DLGAP2: variants seen among roughly 807,000 people sequenced by gnomAD.
DLGAP2 encodes the protein DLG associated protein 2, also known as disks large-associated protein 2.
In DLGAP2, 26 loss-of-function variants were observed where a neutral mutation model predicts 100.3. The observed-to-expected ratio is 0.26, with a 90% CI of 0.19 to 0.36. The LOEUF is 0.36. DLGAP2 is among the 10% of genes least tolerant of loss of function. The probability of loss-of-function intolerance (pLI) is 1.00; values close to 1 mark genes in which losing one functional copy is unlikely to be tolerated. For missense variants in DLGAP2, 1,858 were observed against 1,453.2 expected (o/e 1.28, Z -4.53); for synonymous variants, 886 against 630.1 (o/e 1.41, Z -6.08).
At chr8:1,456,120 G>A (rs534075832) in intron 3 of DLGAP2, among the ~76,000 whole-genome samples, 29 of 152,292 alleles carry the variant, frequency 1.9e-4, no homozygotes, top group Middle Eastern at 3.4e-3. Context: ...CTCCCATGTC[G>A]CGTTGAACTC....
At chr8:1,192,799 T>C (rs1276682831) in intron 2 of DLGAP2, among the ~76,000 whole-genome samples, 1 of 151,862 alleles carries the variant, frequency 6.6e-6, no homozygotes, top group East Asian at 1.9e-4. Context: ...ATTAGGTATA[T>C]CTCCTAAAGC....
chr8:1,700,366 C>G (rs1799532829), intron 14 of DLGAP2, among the ~76,000 whole-genome samples: 4 of 151,708 alleles, frequency 2.6e-5, no homozygotes, highest in Admixed American at 2.6e-4. Flanking sequence ...TGTCATGGCT[C>G]TGTCCAGAAG....
intron 2 of DLGAP2, among the ~76,000 whole-genome samples, chr8:1,033,377 C>T (rs1414578266): frequency 6.6e-6 from 1 of 152,152 alleles, no homozygotes; most frequent in African/African-American, 2.4e-5. Flanking sequence ...AAAGGCTTAG[C>T]TGGGGGTTGG....
intron 2 of DLGAP2, among the ~76,000 whole-genome samples, chr8:1,049,937 T>G (rs1802627101): frequency 6.6e-6 from 1 of 152,088 alleles, no homozygotes; most frequent in South Asian, 2.1e-4. Context: ...TGTACACACG[T>G]GGATATATGC....
intron 1 of DLGAP2, among the ~76,000 whole-genome samples, chr8:828,505 A>G (rs1475946342): frequency 1.3e-5 from 2 of 152,200 alleles, no homozygotes; most frequent in African/African-American, 4.8e-5. Context: ...TATTCCCTGA[A>G]CAATTGCTGT....
At chr8:1,162,290 G>A (rs1197378975) in intron 2 of DLGAP2, among the ~76,000 whole-genome samples, 2 of 152,226 alleles carry the variant, frequency 1.3e-5, no homozygotes, top group East Asian at 1.9e-4. Context: ...CGGCGTCTGC[G>A]TAGGTGAGTC....
At chr8:1,696,903 C>T (rs1431906657) in intron 13 of DLGAP2, among the ~76,000 whole-genome samples, 2 of 152,218 alleles carry the variant, frequency 1.3e-5, no homozygotes, top group African/African-American at 4.8e-5. Context: ...CTGCCCCATT[C>T]CCAGCATTTT....
chr8:1,002,530 A>G (rs1269252236), intron 2 of DLGAP2: 2 of 152,230 alleles, frequency 1.3e-5, no homozygotes, highest in African/African-American at 2.4e-5. Context: ...GGGTACCTGG[A>G]AGCTCACGAG....
chr8:1,146,500 A>G (rs1393829375), intron 2 of DLGAP2, among the ~76,000 whole-genome samples: 1 of 152,208 alleles, frequency 6.6e-6, no homozygotes, highest in Non-Finnish European at 1.5e-5. Context: ...TAGAACTTCC[A>G]TTAGGTTCTG....
chr8:1,057,790 G>GTT (rs1427973461), intron 2 of DLGAP2, among the ~76,000 whole-genome samples: 1 of 152,172 alleles, frequency 6.6e-6, no homozygotes, highest in Non-Finnish European at 1.5e-5. Context: ...GAACAAAAGG[G>GTT]AGATAATCTT....
chr8:1,550,396 C>A (rs186775430), intron 5 of DLGAP2, among the ~76,000 whole-genome samples: 1 of 152,288 alleles, frequency 6.6e-6, no homozygotes, highest in African/African-American at 2.4e-5. Flanking sequence ...CCCGACTCCT[C>A]CTTGGAACCA....
intron 1 of DLGAP2, among the ~76,000 whole-genome samples, chr8:742,889 G>C (rs1030339983): frequency 3.3e-5 from 5 of 152,094 alleles, no homozygotes; most frequent in Non-Finnish European, 5.9e-5. Context: ...TAACTTGATA[G>C]GGTTAAGGAG....
intron 3 of DLGAP2, among the ~76,000 whole-genome samples, chr8:1,373,342 C>T (rs1168438122): frequency 2.0e-5 from 3 of 151,808 alleles, no homozygotes; most frequent in East Asian, 1.9e-4. Context: ...CCGGAGGCGC[C>T]GCGCCTGGAC....
intron 3 of DLGAP2, among the ~76,000 whole-genome samples, chr8:1,429,962 T>C (rs533524181): frequency 4.6e-4 from 45 of 97,924 alleles, no homozygotes; most frequent in African/African-American, 1.4e-3. Flanking sequence ...CCTGAAAATA[T>C]CATCCTGCAG....
intron 2 of DLGAP2, among the ~76,000 whole-genome samples, chr8:1,210,459 T>TG (rs1172533650): frequency 7.9e-5 from 12 of 152,206 alleles, no homozygotes; most frequent in African/African-American, 2.9e-4. Flanking sequence ...AGCAGGAGTG[T>TG]GTGGGGGGAA....
intron 8 of DLGAP2, among the ~76,000 whole-genome samples, chr8:1,659,133 C>T (rs1242030272): frequency 6.6e-6 from 1 of 152,190 alleles, no homozygotes; most frequent in African/African-American, 2.4e-5. Context: ...TGTTCAGTTT[C>T]CATGTAGTTG....
At chr8:907,530 CT>C in intron 1 of DLGAP2, among the ~76,000 whole-genome samples, 1 of 152,318 alleles carries the variant, frequency 6.6e-6, no homozygotes, top group South Asian at 2.1e-4. Context: ...TCCAACAGCC[CT>C]CCATTTCCAG....
rs368658364 is a variant in DLGAP2, at chr8:1,343,528, C to G, written c.106+84645C>G. Among the ~76,000 whole-genome samples the G allele has an allele frequency of 1.8e-4, 27 of 152,316 alleles. No individual in the cohort carries two copies. In the South Asian group the frequency reaches 5.2e-3, roughly 29 times the overall value. ...CAGGGCCCAGGTAAGCAAAGACTCT[C>G]TCAGGCTGGAAGCCCCAAAGGCCAA... On this transcript the variant is annotated intron_variant, in intron 3 of 14. Transcript: ENST00000637795.
At chr8:1,431,575 G>A (rs1276130053) in intron 3 of DLGAP2, among the ~76,000 whole-genome samples, 1 of 152,220 alleles carries the variant, frequency 6.6e-6, no homozygotes, top group African/African-American at 2.4e-5. Flanking sequence ...CCAGGCCAAA[G>A]GCAGCACTGG....
Sources: gnomAD v4.1 joint callset for allele counts (sites outside exome capture counted in the v4.1 genomes callset) on GRCh38, gnomAD v4.1.1 for gene constraint, MANE v1.5 for transcripts, NCBI Gene and HGNC (gene_info 2026-07-23, HGNC 2026-07-21) for gene names.